The following MID2 variants were observed in gnomAD, a reference collection of about 807,000 sequenced individuals.
MID2 encodes the protein midline 2.
A neutral mutation model predicts 46.1 loss-of-function variants in MID2; 13 were observed. The observed-to-expected ratio is 0.28, with a 90% CI of 0.18 to 0.45. MID2 has a LOEUF of 0.45. MID2 is among the 20% of genes least tolerant of loss of function. The pLI is 1.00. For synonymous variants in MID2, 199 were observed against 212.3 expected, an observed-to-expected ratio of 0.94 and a Z score of 0.55; for missense variants, 431 against 575.4, an observed-to-expected ratio of 0.75 and a Z score of 2.57.
chrX:107,886,020 T>C (rs1310148540), intron 3 of MID2, among the ~76,000 whole-genome samples: 6 of 112,250 alleles, frequency 5.3e-5, no homozygotes, highest in African/African-American at 1.9e-4. Context: ...TTCTGGATAT[T>C]AGCCCTTTGT....
At chrX:107,908,768 A>G (rs1172602626) in intron 5 of MID2, among the ~76,000 whole-genome samples, 1 of 109,163 alleles carries the variant, frequency 9.2e-6, no homozygotes, top group Non-Finnish European at 1.9e-5. Context: ...AGGCTGAAGC[A>G]AGAGGATCTT....
intron 6 of MID2, among the ~76,000 whole-genome samples, chrX:107,917,214 C>T (rs891857897): frequency 8.9e-6 from 1 of 111,738 alleles, no homozygotes; most frequent in African/African-American, 3.3e-5. Context: ...CATATAATCA[C>T]TTTAATGTCT....
chrX:107,826,496 C>T (rs890032158), intron 1 of MID2, 66 bp downstream of exon 1: 5 of 1,080,179 alleles, frequency 4.6e-6, no homozygotes, highest in East Asian at 4.0e-5. Context: ...GGCTAGTCTC[C>T]GGCTCCGGCC....
chrX:107,866,422 A>AACACACACACACACACACACACAC (rs57100746), intron 3 of MID2, among the ~76,000 whole-genome samples: 2 of 81,190 alleles, frequency 2.5e-5, no homozygotes. Flanking sequence ...AGCCACTGAA[A>AACACACACACACACACACACACAC]ACACACACAC....
At chrX:107,925,384 C>T (rs1933154135) in intron 8 of MID2, among the ~76,000 whole-genome samples, 1 of 111,903 alleles carries the variant, frequency 8.9e-6, no homozygotes, top group South Asian at 3.7e-4. Flanking sequence ...CTTGCCACAC[C>T]CAGCAACTGG....
intron 8 of MID2, 150 bp from the exon 9 acceptor site, chrX:107,925,944 A>C (rs1252019446): frequency 2.5e-6 from 1 of 393,888 alleles, no homozygotes; most frequent in African/African-American, 2.6e-5. Context: ...CTGTTTTCTT[A>C]ATAAAATTTA....
chrX:107,924,827 G>A (rs184432772), intron 8 of MID2, among the ~76,000 whole-genome samples: 2 of 112,491 alleles, frequency 1.8e-5, no homozygotes, highest in Admixed American at 1.9e-4. Context: ...CTACAGAGAA[G>A]CCATATCTGT....
intron 3 of MID2, among the ~76,000 whole-genome samples, chrX:107,881,096 C>T (rs1343030373): frequency 1.8e-5 from 2 of 112,964 alleles, no homozygotes; most frequent in Admixed American, 9.3e-5. Flanking sequence ...TATACTCCCA[C>T]CAGAAATGTA....
At chrX:107,891,967 T>C (rs751267790) in intron 3 of MID2, among the ~76,000 whole-genome samples, 15 of 111,933 alleles carry the variant, frequency 1.3e-4, no homozygotes, top group African/African-American at 4.9e-4. Flanking sequence ...GAGTTCCCTG[T>C]CTCAGAAAGA....
intron 3 of MID2, among the ~76,000 whole-genome samples, chrX:107,862,049 A>G (rs1260653681): frequency 8.9e-6 from 1 of 112,073 alleles, no homozygotes; most frequent in Non-Finnish European, 1.9e-5. Flanking sequence ...GACTAATAAT[A>G]CATTGAAGAG....
At chrX:107,909,098 T>G (rs1373526925) in intron 5 of MID2, among the ~76,000 whole-genome samples, 1 of 111,920 alleles carries the variant, frequency 8.9e-6, no homozygotes, top group African/African-American at 3.3e-5. Context: ...GGATGCTGTA[T>G]ATTTTTGTAT....
At chrX:107,858,404 A>G (rs935784629) in intron 3 of MID2, among the ~76,000 whole-genome samples, 1 of 112,406 alleles carries the variant, frequency 8.9e-6, no homozygotes, top group African/African-American at 3.2e-5. Flanking sequence ...ATGCATAGCC[A>G]AGGGAAAATG....
intron 3 of MID2, among the ~76,000 whole-genome samples, chrX:107,893,691 A>G (rs1294726267): frequency 8.9e-6 from 1 of 112,448 alleles, no homozygotes; most frequent in Non-Finnish European, 1.9e-5. Context: ...AAGTGGAAAG[A>G]AAAGTGATAG....
intron 1 of MID2, 51 bp downstream of exon 1, chrX:107,826,481 C>T: frequency 1.8e-6 from 2 of 1,116,864 alleles, no homozygotes; most frequent in African/African-American, 3.8e-5. Context: ...TCGTAGCCCT[C>T]GCAGGGCTAG....
chrX:107,914,536 T>G (rs1007351742), intron 5 of MID2, among the ~76,000 whole-genome samples: 2 of 112,200 alleles, frequency 1.8e-5, no homozygotes, highest in Admixed American at 1.9e-4. Context: ...CAGTTTCCCA[T>G]TCCCTTACAA....
At position 107,840,845 on chromosome X, in the gene MID2, A is replaced by C. The variant is rs2236083; in HGVS notation, c.180A>C (p.Ser60=). ...CFSCAHRILV[S]SCSSGESIEP... is the part of the protein sequence containing the mutation. ...GCTGTGCCCATCGCATTTTGGTATC[A>C]AGCTGCAGCTCTGGTGAATCCATTG... The change falls in exon 2 of 10, where the codon TCA becomes TCC. Residue 60 remains serine, a synonymous_variant. Coordinates refer to ENST00000262843, the MANE Select transcript of MID2 (RefSeq NM_012216.4). The C allele has an allele frequency of 0.07, 84,457 of 1,209,290 alleles. 2,463 individuals are homozygous for C. The highest frequency in any genetic ancestry group is 0.2 in the African/African-American group (11,131 of 56,870).
intron 3 of MID2, among the ~76,000 whole-genome samples, chrX:107,858,782 C>T (rs762623939): frequency 8.9e-6 from 1 of 112,181 alleles, no homozygotes; most frequent in Non-Finnish European, 1.9e-5. Flanking sequence ...AAAACACTTT[C>T]CTGTATATTT....
chrX:107,855,218 T>TG (rs1931716153), intron 3 of MID2, among the ~76,000 whole-genome samples: 1 of 111,707 alleles, frequency 9.0e-6, no homozygotes, highest in African/African-American at 3.3e-5. Flanking sequence ...TCCTCACTCA[T>TG]TACCTTTCCA....
chrX:107,839,347 C>T (rs1931278244), intron 1 of MID2, among the ~76,000 whole-genome samples: 2 of 108,060 alleles, frequency 1.9e-5, no homozygotes, highest in Admixed American at 2.0e-4. Context: ...GGTTTCTTGT[C>T]AGTTGGGTGG....
Sources: gnomAD v4.1 joint callset for allele counts (sites outside exome capture counted in the v4.1 genomes callset) on GRCh38, gnomAD v4.1.1 for gene constraint, MANE v1.5 for transcripts, NCBI Gene and HGNC (gene_info 2026-07-23, HGNC 2026-07-21) for gene names.